Variants in FEZF1 observed in about 807,000 individuals in gnomAD.
The protein encoded by FEZF1 is fez family zinc finger protein 1.
A neutral mutation model predicts 32.4 loss-of-function variants in FEZF1; 8 were observed. That is an observed-to-expected ratio of 0.25 (90% CI 0.15 to 0.45). The LOEUF is 0.45. Among genes scored for constraint, FEZF1 ranks in the 20% least tolerant of loss-of-function variants. FEZF1 has a pLI of 1.00. For synonymous variants in FEZF1, 259 were observed against 265.2 expected (o/e 0.98, Z 0.23); for missense variants, 546 against 622.3 (o/e 0.88, Z 1.31).
chr7:122,309,806 C>G (rs2031376088), intron 1 of FEZF1: 1 of 152,068 alleles, frequency 6.6e-6, no homozygotes, highest in Admixed American at 6.6e-5. Flanking sequence ...TGCTCTATTG[C>G]TCTACACTGA....
At chr7:122,305,903 TG>T (rs1308733950), upstream of FEZF1, 1 of 152,322 alleles carries the variant, frequency 6.6e-6, no homozygotes, top group African/African-American at 2.4e-5. Context: ...CCGCCGGGTG[TG>T]GCACCTCGGC....
In FEZF1 at chr7:122,301,966, C is replaced by G; in HGVS notation, c.*31G>C. On this transcript the variant is annotated 3_prime_UTR_variant, in exon 4 of 4. Transcript: ENST00000442488. ...CTGCCGCTGCCTCAGCGTGGGGGCA[C>G]GGCTGAGGCTGGGAGGACCCTTAGC... 6.4e-7 allele frequency: 1 copy of G among 1,552,328 alleles called. No homozygotes were observed. The highest frequency in any genetic ancestry group is 8.6e-7 in the Non-Finnish European group (1 of 1,162,662).
In FEZF1 at chr7:122,303,317, A is replaced by T; in HGVS notation, c.802-6T>A. Reference sequence around the variant, plus strand: ...TTATAGTGCGCATTAAAGACCTTAAAATTAAACACACGTAGAACAGGTTAG... The same window carrying T: ...TTATAGTGCGCATTAAAGACCTTAATATTAAACACACGTAGAACAGGTTAG... On this transcript the variant is annotated splice_region_variant and splice_polypyrimidine_tract_variant and intron_variant, in intron 1 of 3. Coordinates refer to ENST00000442488, the MANE Select transcript of FEZF1 (RefSeq NM_001024613.4). 1.9e-6 allele frequency: 3 copies of T among 1,613,788 alleles called. 1 individual carries two copies. In the South Asian group the frequency reaches 3.3e-5, roughly 18 times the overall value.
chr7:122,304,184 C>A lies in FEZF1; in HGVS notation c.254G>T (p.Ser85Ile), dbSNP rs914972337. Reference sequence around the variant, plus strand: ...GGAGCCCGTCACTCCTGCCTTGGGGCTCGTGTCGTAGGCCACAGGCACGAA... The same window carrying A: ...GGAGCCCGTCACTCCTGCCTTGGGGATCGTGTCGTAGGCCACAGGCACGAA... ...IPFVPVAYDT[S>I]PKAGVTGSEP... Residue 85 changes from serine (S) to isoleucine (I), a missense_variant, in exon 1 of 4, where the codon AGC becomes ATC. Ser to Ile is a moderately radical substitution (Grantham distance 142, BLOSUM62 -2). Transcript: ENST00000442488. The A allele has an allele frequency of 1.9e-6, 3 of 1,598,842 alleles. No homozygotes were observed. Among genetic ancestry groups the A allele is most frequent in the Admixed American group, 3.4e-5 (2 of 59,188 alleles).
In FEZF1 at chr7:122,304,147, C is replaced by T. The variant is rs758618132; in HGVS notation, c.291G>A (p.Lys97=). ...KAGVTGSEPR[K]ASLEAPAAPA... ...GCGCCGCCGGGGCCTCCAGACTGGCCTTCCGCGGCTCGGAGCCCGTCACTC... is the reference window on the plus strand; with the variant it reads ...GCGCCGCCGGGGCCTCCAGACTGGCTTTCCGCGGCTCGGAGCCCGTCACTC... The change falls in exon 1 of 4, where the codon AAG becomes AAA. Residue 97 remains lysine, a synonymous_variant. Coordinates refer to ENST00000442488, the MANE Select transcript of FEZF1 (RefSeq NM_001024613.4). The T allele has an allele frequency of 1.7e-5, 27 of 1,602,996 alleles. No individual in the cohort carries two copies. Among genetic ancestry groups the T allele is most frequent in the Non-Finnish European group, 2.1e-5 (25 of 1,173,422 alleles).
chr7:122,304,675 A>G lies in FEZF1; in HGVS notation c.-238T>C, dbSNP rs2031213365. On this transcript the variant is annotated 5_prime_UTR_variant, in exon 1 of 4. Transcript: ENST00000442488. The stretch of plus-strand genomic sequence containing the variant: ...TCGGGGACAATCACTACTTATTTCT[A>G]TCAATAGAAAGTGTTGTGTCAATAA... 3 of 433,182 alleles carry G rather than the reference A, an allele frequency of 6.9e-6. No homozygotes were observed. The highest frequency in any genetic ancestry group is 1.3e-5 in the Non-Finnish European group (3 of 238,350). The allele number at this position is 433,182 out of a possible 1,614,324, so 26.8% of individuals were successfully genotyped here.
At chr7:122,309,301 C>A (rs906879920), upstream of FEZF1, among the ~76,000 whole-genome samples, 1 of 152,224 alleles carries the variant, frequency 6.6e-6, no homozygotes, top group Admixed American at 6.5e-5. Context: ...TTGATTAACT[C>A]ACAGAGCCCT....
chr7:122,303,686 C>T lies in FEZF1; in HGVS notation c.752G>A (p.Gly251Asp), dbSNP rs527670913. ...IAFKTSDFSR[G>D]SPNAKPKVFT... ...AACTTTGGGCTTGGCATTAGGAGAG[C>T]CTCGGCTGAAATCCGAGGTTTTGAA... is the stretch of plus-strand genomic sequence containing the variant. Residue 251 changes from glycine to aspartate, a missense_variant, in exon 1 of 4, where the codon GGC becomes GAC. Gly to Asp is a moderately conservative substitution (Grantham distance 94). Coordinates refer to ENST00000442488, the MANE Select transcript of FEZF1 (RefSeq NM_001024613.4). 6.2e-7 allele frequency: 1 copy of T among 1,614,032 alleles called. No homozygotes were observed. Among genetic ancestry groups the T allele is most frequent in the Non-Finnish European group, 8.5e-7 (1 of 1,180,046 alleles).
In FEZF1 at chr7:122,303,520, A is replaced by G. The variant is rs373239382; in HGVS notation, c.801+117T>C. On this transcript the variant is annotated intron_variant, in intron 1 of 3. Transcript: ENST00000442488. ...AAGGAAGGAAGGAAGGAAGGAAGGA[A>G]GGAAGGAAGGAAGGAAGGAGGGAGG... The G allele has an allele frequency of 1.7e-3, 860 of 499,668 alleles. 1 individual carries two copies. Among genetic ancestry groups the G allele is most frequent in the Admixed American group, 3.8e-3 (102 of 26,916 alleles). The allele number at this position is 499,668 out of a possible 1,614,324, so 31.0% of individuals were successfully genotyped here.
At chr7:122,309,431 A>G (rs2031367876), upstream of FEZF1, among the ~76,000 whole-genome samples, 1 of 152,172 alleles carries the variant, frequency 6.6e-6, no homozygotes. Flanking sequence ...TCAAAACAGC[A>G]TTTACATAGC....
chr7:122,302,032 G>GC lies in FEZF1; in HGVS notation c.1392dup (p.Pro465AlafsTer80), dbSNP rs1563040920. On this transcript the variant is annotated frameshift_variant, in exon 4 of 4. Coordinates refer to ENST00000442488, the MANE Select transcript of FEZF1 (RefSeq NM_001024613.4). LOFTEE classifies it high-confidence loss of function. The surrounding 1 kb of genome is among the most constrained non-coding windows in gnomAD (Gnocchi z 4.4). The stretch of plus-strand genomic sequence containing the variant: ...CCCTGGTGGAGCCCGGGCTGCAGGG[G>GC]CCCCGGGGTTGGCAGCGGCGGCTGC... The GC allele has an allele frequency of 1.9e-6, 3 of 1,600,364 alleles. No individual in the cohort carries two copies. The highest frequency in any genetic ancestry group is 2.2e-5 in the South Asian group (2 of 90,900).
chr7:122,302,085 T>TGCGGTA lies in FEZF1; in HGVS notation c.1334_1339dup (p.Leu445_Pro446dup). Reference sequence around the variant, plus strand: ...AGGAGGCAGCGTCATCGGCGGCTGCTGCGGTAGCGGGGGCGGCGGTTCAGT... The same window carrying TGCGGTA: ...AGGAGGCAGCGTCATCGGCGGCTGCTGCGGTAGCGGTAGCGGGGGCGGCGGTTCAGT... On this transcript the variant is annotated inframe_insertion, in exon 4 of 4. Coordinates refer to ENST00000442488, the MANE Select transcript of FEZF1 (RefSeq NM_001024613.4). The surrounding 1 kb of genome is among the most constrained non-coding windows in gnomAD (Gnocchi z 4.4). 1 of 1,609,436 alleles carries TGCGGTA rather than the reference T, an allele frequency of 6.2e-7. No individual in the cohort carries two copies. Among genetic ancestry groups the TGCGGTA allele is most frequent in the Non-Finnish European group, 8.5e-7 (1 of 1,178,886 alleles).
upstream of FEZF1, chr7:122,305,944 T>C (rs1036662111): frequency 6.6e-6 from 1 of 152,282 alleles, no homozygotes; most frequent in East Asian, 1.9e-4. Context: ...CGGTGGAGCG[T>C]GTGGAGGTTT....
chr7:122,302,281 G>A lies in FEZF1; in HGVS notation c.1144C>T (p.His382Tyr). Reference protein sequence around the residue: ...FKCNICNKAFHQVYNLTFHMH... With the variant: ...FKCNICNKAFYQVYNLTFHMH... ...TGGAAGGTGAGGTTGTAAACCTGGT[G>A]GAAAGCCTTGTTGCAGATATTGCAC... Residue 382 changes from histidine to tyrosine, a missense_variant, in exon 4 of 4, where the codon CAC becomes TAC. By Grantham distance (83) the His-to-Tyr change is moderately conservative. This residue lies in a region of FEZF1 where 118 missense variants were observed against 188.7 expected (regional missense o/e 0.63). Coordinates refer to ENST00000442488, the MANE Select transcript of FEZF1 (RefSeq NM_001024613.4). The surrounding 1 kb of genome is among the most constrained non-coding windows in gnomAD (Gnocchi z 4.4). The A allele has an allele frequency of 6.2e-7, 1 of 1,614,170 alleles. No homozygotes were observed. The highest frequency in any genetic ancestry group is 8.5e-7 in the Non-Finnish European group (1 of 1,180,034).
chr7:122,302,543 G>T lies in FEZF1; in HGVS notation c.1070-188C>A, dbSNP rs906846197. On this transcript the variant is annotated intron_variant, in intron 3 of 3. Coordinates refer to ENST00000442488, the MANE Select transcript of FEZF1 (RefSeq NM_001024613.4). The surrounding 1 kb of genome is among the most constrained non-coding windows in gnomAD (Gnocchi z 4.4). Reference sequence around the variant, plus strand: ...TATTTTCAAGCATCGCATCAACAGTGATGCCGTTTCCTTAAATTTTAATAC... The same window carrying T: ...TATTTTCAAGCATCGCATCAACAGTTATGCCGTTTCCTTAAATTTTAATAC... 1.3e-5 allele frequency among the ~76,000 whole-genome samples: 2 copies of T among 152,256 alleles called. No homozygotes were observed. Among genetic ancestry groups the T allele is most frequent in the Non-Finnish European group, 1.5e-5 (1 of 68,014 alleles).
At position 122,304,087 on chromosome 7, in the gene FEZF1, G is replaced by A. The variant is rs1408989066; in HGVS notation, c.351C>T (p.Cys117=). 2.5e-6 allele frequency: 4 copies of A among 1,571,260 alleles called. No individual in the cohort carries two copies. The highest frequency in any genetic ancestry group is 4.7e-5 in the East Asian group (2 of 42,492). The change falls in exon 1 of 4, where the codon TGC becomes TGT. Residue 117 remains cysteine (C), a synonymous_variant. Coordinates refer to ENST00000442488, the MANE Select transcript of FEZF1 (RefSeq NM_001024613.4). ...TCAGTGCGCAGTTGAGCAGGTCGCT[G>A]CAGCTGAATGCGGGAGCCGAGGGCA... ...AAVPSAPAFS[C]SDLLNCALSL...
exon 1 of FEZF1, chr7:122,310,240 C>T (rs2031386127): frequency 6.6e-6 from 1 of 152,230 alleles, no homozygotes; most frequent in Non-Finnish European, 1.5e-5. Context: ...CGCCGACCCG[C>T]TGGCCTTGGC....
Position 122,302,589 on chromosome 7 carries a change from A to T in FEZF1, c.1069+210T>A, listed in dbSNP as rs2031083655. Among the ~76,000 whole-genome samples, 1 of 152,160 alleles carries T rather than the reference A, an allele frequency of 6.6e-6. No homozygotes were observed. Among genetic ancestry groups the T allele is most frequent in the Non-Finnish European group, 1.5e-5 (1 of 68,020 alleles). ...AATACACATTTATCAGTCCAATTAC[A>T]TACAATGAGAGCATGCAGTTAAAAC... On this transcript the variant is annotated intron_variant, in intron 3 of 3. Coordinates refer to ENST00000442488, the MANE Select transcript of FEZF1 (RefSeq NM_001024613.4). The surrounding 1 kb of genome is among the most constrained non-coding windows in gnomAD (Gnocchi z 4.4).
intron 1 of FEZF1, 105 bp downstream of exon 1, chr7:122,303,509 GGAAGGAAGGAAGGAAGGAAGGAA>G (rs2031125143): frequency 1.6e-5 from 9 of 554,460 alleles, no homozygotes; most frequent in Non-Finnish European, 2.5e-5. Flanking sequence ...AAGGAAGGAA[GGAAGGAAGGAAGGAAGGAAGGAA>G]GGAAGGAGGG....
Sources: allele counts gnomAD v4.1 joint callset (sites outside exome capture counted in the v4.1 genomes callset), GRCh38; gene constraint gnomAD v4.1.1; regional missense constraint gnomAD v4.1.1; non-coding constraint Gnocchi (gnomAD v3.1); transcripts MANE v1.5; gene names NCBI Gene and HGNC (gene_info 2026-07-23, HGNC 2026-07-21).